Variants in SUMF1 observed in about 807,000 individuals in gnomAD.
SUMF1 encodes formylglycine-generating enzyme.
A neutral mutation model predicts 47.6 loss-of-function variants in SUMF1; 48 were observed. The ratio of observed to expected loss-of-function variants is 1.01; its 90% CI spans 0.80 to 1.28. SUMF1 has a LOEUF of 1.28. Among genes scored for constraint, SUMF1 ranks in the 50% most tolerant of loss-of-function variants. SUMF1 has a pLI of 0.00. For synonymous variants in SUMF1, 230 were observed against 192.1 expected, an observed-to-expected ratio of 1.20 and a Z score of -1.63; for missense variants, 571 against 485.4, an observed-to-expected ratio of 1.18 and a Z score of -1.66.
chr3:4,293,175 T>C lies in SUMF1; in HGVS notation c.1014+83155A>G, dbSNP rs550818941. 5.3e-5 allele frequency among the ~76,000 whole-genome samples: 8 copies of C among 152,304 alleles called. No individual in the cohort carries two copies. The South Asian group carries it at 1.7e-3, about 32-fold the overall frequency. On this transcript the variant is annotated intron_variant and NMD_transcript_variant, in intron 8 of 12. Transcript: ENST00000448413. ...CAGAGCTGCCTGTTATGACCAATCA[T>C]TCATCAACCACATAGTGCAGTTATA... is the stretch of plus-strand genomic sequence containing the variant.
intron 8 of SUMF1, among the ~76,000 whole-genome samples, chr3:4,318,830 C>A (rs1698753437): frequency 6.6e-6 from 1 of 151,766 alleles, no homozygotes; most frequent in South Asian, 2.1e-4. Context: ...ATCATTTGAA[C>A]CTGGGGTGGA....
chr3:4,172,334 G>A (rs1457567485), intron 8 of SUMF1, among the ~76,000 whole-genome samples: 1 of 152,066 alleles, frequency 6.6e-6, no homozygotes, highest in African/African-American at 2.4e-5. Context: ...AATATGATAA[G>A]CTTGATTTTA....
intron 7 of SUMF1, among the ~76,000 whole-genome samples, chr3:4,378,449 C>T (rs1575152531): frequency 6.6e-6 from 1 of 152,180 alleles, no homozygotes; most frequent in African/African-American, 2.4e-5. Flanking sequence ...ACAGACAAAG[C>T]CATTGGCTAT....
At chr3:4,382,828 C>G (rs1700550139) in intron 7 of SUMF1, among the ~76,000 whole-genome samples, 2 of 152,072 alleles carry the variant, frequency 1.3e-5, no homozygotes, top group Non-Finnish European at 2.9e-5. Flanking sequence ...GAACAGAAAA[C>G]CAAACACCGC....
chr3:4,070,024 C>T (rs1259244480), intron 8 of SUMF1, among the ~76,000 whole-genome samples: 1 of 152,136 alleles, frequency 6.6e-6, no homozygotes, highest in African/African-American at 2.4e-5. Flanking sequence ...AATTCCTCTG[C>T]ACAATAAAAC....
chr3:4,451,874 G>A (rs1334330411), intron 2 of SUMF1, among the ~76,000 whole-genome samples: 1 of 152,024 alleles, frequency 6.6e-6, no homozygotes, highest in Non-Finnish European at 1.5e-5. Context: ...TAGTAGAGAC[G>A]GGGTTTCACC....
At chr3:4,421,849 C>A (rs1257353706) in intron 3 of SUMF1, among the ~76,000 whole-genome samples, 2 of 152,276 alleles carry the variant, frequency 1.3e-5, no homozygotes, top group East Asian at 3.9e-4. Flanking sequence ...ATCCCCACAA[C>A]AATGTTACTC....
At chr3:4,326,894 C>A (rs550398104) in intron 8 of SUMF1, among the ~76,000 whole-genome samples, 3 of 152,218 alleles carry the variant, frequency 2.0e-5, no homozygotes, top group South Asian at 4.1e-4. Context: ...TGAAAATATG[C>A]CATGCCAGTC....
chr3:4,218,143 GT>G (rs1354251463), intron 8 of SUMF1, among the ~76,000 whole-genome samples: 1 of 151,850 alleles, frequency 6.6e-6, no homozygotes, highest in Non-Finnish European at 1.5e-5. Context: ...GGAAGATCGG[GT>G]GAAGACACTG....
intron 1 of SUMF1, among the ~76,000 whole-genome samples, chr3:4,460,051 A>G (rs758017350): frequency 7.2e-5 from 11 of 152,356 alleles, no homozygotes; most frequent in Middle Eastern, 3.4e-3. Flanking sequence ...GGGATAAAAA[A>G]GGATGCTTTT....
intron 8 of SUMF1, chr3:4,317,244 T>G (rs1698703235): frequency 1.4e-5 from 22 of 1,528,820 alleles, no homozygotes; most frequent in Non-Finnish European, 1.8e-5. Context: ...CTATTTTGAT[T>G]AATAAAAATG....
At chr3:4,316,707 C>T (rs967760150) in intron 8 of SUMF1, 10 of 1,550,846 alleles carry the variant, frequency 6.4e-6, no homozygotes, top group East Asian at 2.4e-5. Context: ...TGACAACCGG[C>T]GACGATCAGC....
chr3:4,442,597 C>T (rs1702638394), intron 3 of SUMF1, among the ~76,000 whole-genome samples: 1 of 139,126 alleles, frequency 7.2e-6, no homozygotes, highest in Non-Finnish European at 1.5e-5. Context: ...TCTCAAGAGA[C>T]AAAACCAAAC....
At chr3:4,461,690 C>G (rs1253653783) in intron 1 of SUMF1, among the ~76,000 whole-genome samples, 1 of 151,858 alleles carries the variant, frequency 6.6e-6, no homozygotes, top group Non-Finnish European at 1.5e-5. Context: ...AGCCAAGTTT[C>G]CATTCTGGAG....
In SUMF1 at chr3:4,303,413, G is replaced by A. The variant is rs756322943; in HGVS notation, c.1014+72917C>T. The A allele has an allele frequency of 8.3e-6, 13 of 1,557,378 alleles. No homozygotes were observed. The Admixed American group carries it at 9.8e-5, about 12-fold the overall frequency. ...AAAGACGACACGGCCTTGTGGGATG[G>A]CGGAGTTTAAGGAGAAGCCTGAGGC... On this transcript the variant is annotated intron_variant and NMD_transcript_variant, in intron 8 of 12. Coordinates refer to the SUMF1 transcript ENST00000448413.
At chr3:4,217,523 T>TATA (rs1553610088) in intron 8 of SUMF1, among the ~76,000 whole-genome samples, 2 of 48,594 alleles carry the variant, frequency 4.1e-5, no homozygotes, top group Non-Finnish European at 9.0e-5. Flanking sequence ...TTTATATATA[T>TATA]ATATATATAT....
At chr3:4,456,426 C>T (rs2079600053) in intron 1 of SUMF1, among the ~76,000 whole-genome samples, 1 of 150,580 alleles carries the variant, frequency 6.6e-6, no homozygotes, top group South Asian at 2.1e-4. Context: ...TTATGTTGTC[C>T]CTGACTGTAG....
intron 8 of SUMF1, among the ~76,000 whole-genome samples, chr3:4,238,460 A>T (rs1696459960): frequency 6.6e-6 from 1 of 152,086 alleles, no homozygotes; most frequent in African/African-American, 2.4e-5. Context: ...CTTTTCAATG[A>T]TCATCATTCT....
chr3:4,173,490 G>T (rs1183303683), intron 8 of SUMF1, among the ~76,000 whole-genome samples: 1 of 152,162 alleles, frequency 6.6e-6, no homozygotes. Flanking sequence ...CAAGGATCTA[G>T]AACAGAAATA....
Sources: gnomAD v4.1 joint callset for allele counts (sites outside exome capture counted in the v4.1 genomes callset) on GRCh38, gnomAD v4.1.1 for gene constraint, MANE v1.5 for transcripts, NCBI Gene and HGNC (gene_info 2026-07-23, HGNC 2026-07-21) for gene names.